CORO1C: variants seen among roughly 807,000 people sequenced by gnomAD.
The protein encoded by CORO1C is coronin 1C.
CORO1C carries 14 observed loss-of-function variants against 51.2 expected under a neutral mutation model. That is an observed-to-expected ratio of 0.27 (90% confidence interval 0.18 to 0.43). CORO1C has a LOEUF of 0.43. Ranked by LOEUF, CORO1C falls within the 20% of genes least tolerant of loss-of-function variation. The probability of loss-of-function intolerance (pLI) is 1.00; values close to 1 mark genes in which losing one functional copy is unlikely to be tolerated. For synonymous variants in CORO1C, 181 were observed against 210.5 expected (o/e 0.86, Z 1.21); for missense variants, 417 against 607.8 (o/e 0.69, Z 3.30).
intron 2 of CORO1C, among the ~76,000 whole-genome samples, chr12:108,682,168 A>G (rs1213938795): frequency 6.6e-6 from 1 of 152,088 alleles, no homozygotes; most frequent in African/African-American, 2.4e-5. Context: ...ACTCATGAAA[A>G]GCAGAGACAA....
Position 108,666,057 on chromosome 12 carries a change from T to C in CORO1C, c.319-3899A>G, listed in dbSNP as rs574175114. Among the ~76,000 whole-genome samples, 25 of 152,344 alleles carry C rather than the reference T, an allele frequency of 1.6e-4. No individual in the cohort carries two copies. In the South Asian group the frequency reaches 3.7e-3, roughly 23 times the overall value. On this transcript the variant is annotated intron_variant, in intron 3 of 10. Transcript: ENST00000261401. ...CACTACTACGAAATTAGCTTCCTGC[T>C]AACCAAGCTTGGTCCACCCAGGAGG...
intron 2 of CORO1C, among the ~76,000 whole-genome samples, chr12:108,686,857 G>GC (rs1210672067): frequency 6.6e-5 from 10 of 152,170 alleles, no homozygotes; most frequent in African/African-American, 2.4e-4. Context: ...CCAGAGCCAA[G>GC]CAACATGAGC....
In CORO1C at chr12:108,654,421, GATA is replaced by G. The variant is rs1287103700; in HGVS notation, c.751-14_751-12del. ...TTCCTGCATATTTTTCTGGGGGGAA[GATA>G]ATAATAATACATATATGTGTATGTA... On this transcript the variant is annotated splice_polypyrimidine_tract_variant and intron_variant, in intron 6 of 10. Coordinates refer to ENST00000261401, the MANE Select transcript of CORO1C (RefSeq NM_014325.4). 14 of 1,472,116 alleles carry G rather than the reference GATA, an allele frequency of 9.5e-6. No homozygotes were observed. Among genetic ancestry groups the G allele is most frequent in the Admixed American group, 3.4e-5 (2 of 59,556 alleles). 91.2% of individuals were successfully genotyped at this position (1,472,116 alleles called of 1,614,324 possible). A position where few individuals can be genotyped will look rare whatever the true frequency, so the allele number is the denominator to read the frequency against.
intron 1 of CORO1C, among the ~76,000 whole-genome samples, chr12:108,713,664 T>C (rs976414188): frequency 1.2e-4 from 19 of 152,204 alleles, no homozygotes; most frequent in Admixed American, 9.8e-4. Context: ...CCTGAAGACG[T>C]ATAACTCCTC....
At chr12:108,678,019 A>C (rs2033970378) in intron 3 of CORO1C, among the ~76,000 whole-genome samples, 1 of 114,430 alleles carries the variant, frequency 8.7e-6, no homozygotes, top group Admixed American at 7.9e-5. Flanking sequence ...ACTCCATCTC[A>C]AAAAAAAAAA....
intron 2 of CORO1C, among the ~76,000 whole-genome samples, chr12:108,681,159 C>A (rs758883456): frequency 6.6e-6 from 1 of 152,136 alleles, no homozygotes; most frequent in Admixed American, 6.5e-5. Flanking sequence ...TGCCACCATG[C>A]GTGGCTTGAA....
In CORO1C at chr12:108,645,386, C is replaced by A; in HGVS notation, c.*2017G>T. The A allele has an allele frequency of 6.6e-6, 1 of 152,190 alleles. No individual in the cohort carries two copies. The highest frequency in any genetic ancestry group is 1.5e-5 in the Non-Finnish European group (1 of 68,024). 9.4% of individuals were successfully genotyped at this position (152,190 alleles called of 1,614,324 possible). ...CTTGCCCTCCTGCTTCTCTTTGAAC[C>A]ACATGCCCTACGGTGTTTCACCACC... On this transcript the variant is annotated 3_prime_UTR_variant, in exon 11 of 11. Transcript: ENST00000261401.
chr12:108,713,837 C>T (rs1433223486), intron 1 of CORO1C, among the ~76,000 whole-genome samples: 1 of 152,222 alleles, frequency 6.6e-6, no homozygotes, highest in African/African-American at 2.4e-5. Context: ...GCACTTAGAG[C>T]TCTGTCCTGT....
intron 1 of CORO1C, among the ~76,000 whole-genome samples, chr12:108,728,526 G>A (rs2035644182): frequency 6.6e-6 from 1 of 152,138 alleles, no homozygotes; most frequent in South Asian, 2.1e-4. Context: ...TGACTGTGGT[G>A]ACAGCTGCAC....
chr12:108,708,324 T>TA (rs1345613727), intron 1 of CORO1C, among the ~76,000 whole-genome samples: 1 of 152,154 alleles, frequency 6.6e-6, no homozygotes, highest in Non-Finnish European at 1.5e-5. Flanking sequence ...GAAGTACTAA[T>TA]ACATGCTACA....
intron 1 of CORO1C, among the ~76,000 whole-genome samples, chr12:108,714,578 T>A (rs2035276576): frequency 6.6e-6 from 1 of 150,960 alleles, no homozygotes; most frequent in Non-Finnish European, 1.5e-5. Context: ...CTGGGCAACA[T>A]GGCAAAACTC....
At chr12:108,651,621 C>CT (rs1174440655) in intron 8 of CORO1C, among the ~76,000 whole-genome samples, 1 of 152,198 alleles carries the variant, frequency 6.6e-6, no homozygotes, top group Non-Finnish European at 1.5e-5. Context: ...GAGCCAGGCT[C>CT]TCCCTACTTG....
At chr12:108,690,878 T>C (rs1026705482) in intron 2 of CORO1C, among the ~76,000 whole-genome samples, 7 of 152,168 alleles carry the variant, frequency 4.6e-5, no homozygotes, top group African/African-American at 1.4e-4. Context: ...GCATTCAATA[T>C]CAAATCAGAA....
At chr12:108,652,884 A>G (rs2032746875) in intron 7 of CORO1C, among the ~76,000 whole-genome samples, 1 of 48,650 alleles carries the variant, frequency 2.1e-5, no homozygotes, top group Admixed American at 2.4e-4. Flanking sequence ...TTTTCTAATG[A>G]AGAAACTCAG....
intron 4 of CORO1C, among the ~76,000 whole-genome samples, chr12:108,660,590 A>G (rs2033220153): frequency 6.6e-6 from 1 of 152,206 alleles, no homozygotes. Flanking sequence ...AGGTAACTTC[A>G]GCCCCGGCAG....
At chr12:108,651,596 C>T (rs2032659255) in intron 8 of CORO1C, among the ~76,000 whole-genome samples, 1 of 152,156 alleles carries the variant, frequency 6.6e-6, no homozygotes, top group Admixed American at 6.5e-5. Context: ...GAAAACCACC[C>T]ACTTTTCCAT....
intron 6 of CORO1C, among the ~76,000 whole-genome samples, chr12:108,655,399 C>T (rs1457451298): frequency 6.7e-6 from 1 of 150,314 alleles, no homozygotes; most frequent in Non-Finnish European, 1.5e-5. Flanking sequence ...CACGGTCTCC[C>T]TCTCCCTCTC....
At chr12:108,683,285 G>T (rs1446311838) in intron 2 of CORO1C, among the ~76,000 whole-genome samples, 1 of 152,074 alleles carries the variant, frequency 6.6e-6, no homozygotes, top group African/African-American at 2.4e-5. Context: ...CAGGCATGGT[G>T]GTGGGTGCCT....
At chr12:108,727,981 T>C (rs372626303) in intron 1 of CORO1C, among the ~76,000 whole-genome samples, 3 of 152,258 alleles carry the variant, frequency 2.0e-5, no homozygotes, top group South Asian at 2.1e-4. Flanking sequence ...ACCAACCACA[T>C]GAAAAGATGC....
Sources: allele counts gnomAD v4.1 joint callset (sites outside exome capture counted in the v4.1 genomes callset), GRCh38; gene constraint gnomAD v4.1.1; transcripts MANE v1.5; gene names NCBI Gene and HGNC (gene_info 2026-07-23, HGNC 2026-07-21).